The following C1QTNF3 variants were observed in gnomAD, a reference collection of about 807,000 sequenced individuals.
C1QTNF3 encodes the protein complement C1q tumor necrosis factor-related protein 3.
In C1QTNF3, 26 loss-of-function variants were observed where a neutral mutation model predicts 32.6. The observed-to-expected ratio is 0.80, with a 90% confidence interval of 0.58 to 1.11. C1QTNF3 has a LOEUF of 1.11. Among genes scored for constraint, C1QTNF3 ranks in the 50% least tolerant of loss-of-function variants. C1QTNF3 has a pLI of 0.00. For synonymous variants in C1QTNF3, 155 were observed against 146.0 expected (o/e 1.06, Z -0.44); for missense variants, 362 against 398.2 (o/e 0.91, Z 0.77).
chr5:34,177,301 G>A, the C1QTNF3 span, among the ~76,000 whole-genome samples: 1 of 152,050 alleles, frequency 6.6e-6, no homozygotes, highest in Admixed American at 6.6e-5. Flanking sequence ...CAGACATGGG[G>A]CATTTCCATC....
the C1QTNF3 span, among the ~76,000 whole-genome samples, chr5:34,088,825 C>A: frequency 6.6e-6 from 1 of 152,218 alleles, no homozygotes; most frequent in African/African-American, 2.4e-5. Context: ...ATAACTGAGT[C>A]TTTACCTTTT....
the C1QTNF3 span, among the ~76,000 whole-genome samples, chr5:34,071,894 G>A: frequency 2.0e-5 from 3 of 152,102 alleles, no homozygotes; most frequent in African/African-American, 7.2e-5. Flanking sequence ...AAATTACCGG[G>A]AAAGAAACGG....
At chr5:34,077,760 T>TC in the C1QTNF3 span, among the ~76,000 whole-genome samples, 1 of 151,452 alleles carries the variant, frequency 6.6e-6, no homozygotes, top group African/African-American at 2.5e-5. Context: ...CTAAAGACTG[T>TC]CCCCTGACAG....
chr5:34,104,984 A>G, the C1QTNF3 span, among the ~76,000 whole-genome samples: 1 of 147,616 alleles, frequency 6.8e-6, no homozygotes, highest in Non-Finnish European at 1.5e-5. Flanking sequence ...TATTTCAGCA[A>G]GAGTTTTTTT....
At chr5:34,215,292 T>C in the C1QTNF3 span, among the ~76,000 whole-genome samples, 1 of 152,138 alleles carries the variant, frequency 6.6e-6, no homozygotes, top group Non-Finnish European at 1.5e-5. Flanking sequence ...AGGGGAGCTC[T>C]ATTAAATACT....
At chr5:34,074,941 A>G in the C1QTNF3 span, among the ~76,000 whole-genome samples, 3 of 151,800 alleles carry the variant, frequency 2.0e-5, no homozygotes, top group Non-Finnish European at 2.9e-5. Context: ...GCTATTTGAA[A>G]GTGTATATTT....
At chr5:34,024,138 C>T (rs1375313451) in intron 4 of C1QTNF3, 130 bp from the exon 5 acceptor site, 1 of 686,988 alleles carries the variant, frequency 1.5e-6, no homozygotes, top group East Asian at 2.8e-5. Flanking sequence ...GGTGTCTCTC[C>T]TTGGCCTTAA....
chr5:34,072,420 A>AGAAAGAAG, the C1QTNF3 span, among the ~76,000 whole-genome samples: 2 of 113,104 alleles, frequency 1.8e-5, no homozygotes, highest in Non-Finnish European at 4.0e-5. Context: ...AAAGAAAGAA[A>AGAAAGAAG]GAACAGAAAT....
the C1QTNF3 span, among the ~76,000 whole-genome samples, chr5:34,196,133 GTTTTT>G: frequency 6.6e-6 from 1 of 151,818 alleles, no homozygotes; most frequent in African/African-American, 2.4e-5. Flanking sequence ...AGAAATATCT[GTTTTT>G]TTTGTTTGTT....
the C1QTNF3 span, chr5:34,124,404 A>C: frequency 1.4e-6 from 1 of 715,832 alleles, no homozygotes; most frequent in Non-Finnish European, 2.6e-6. Flanking sequence ...GCTGTGTAGG[A>C]AGCATAGTGA....
chr5:34,225,484 T>C, the C1QTNF3 span, among the ~76,000 whole-genome samples: 90 of 152,172 alleles, frequency 5.9e-4, no homozygotes, highest in African/African-American at 2.1e-3. Context: ...GTTTATAATA[T>C]GTATTTTAAT....
At chr5:34,203,370 A>G in the C1QTNF3 span, among the ~76,000 whole-genome samples, 1 of 152,244 alleles carries the variant, frequency 6.6e-6, no homozygotes. Flanking sequence ...AATGAATTAA[A>G]CATTCCACTT....
At chr5:34,045,253 C>T (rs1019611109), upstream of C1QTNF3, among the ~76,000 whole-genome samples, 11 of 152,190 alleles carry the variant, frequency 7.2e-5, no homozygotes, top group Non-Finnish European at 1.2e-4. Flanking sequence ...ACTTTCCATT[C>T]GTGTTTTCAA....
At chr5:34,207,944 T>G in the C1QTNF3 span, among the ~76,000 whole-genome samples, 1 of 152,026 alleles carries the variant, frequency 6.6e-6, no homozygotes, top group African/African-American at 2.4e-5. Flanking sequence ...CCCGCCACCG[T>G]GCCCGGCTAA....
At chr5:34,144,118 T>A in the C1QTNF3 span, among the ~76,000 whole-genome samples, 1 of 152,022 alleles carries the variant, frequency 6.6e-6, no homozygotes, top group Admixed American at 6.5e-5. Context: ...AGAGCAAGAA[T>A]CACTATTCTT....
the C1QTNF3 span, among the ~76,000 whole-genome samples, chr5:34,092,080 C>G: frequency 6.6e-6 from 1 of 151,306 alleles, no homozygotes; most frequent in African/African-American, 2.4e-5. Flanking sequence ...CCCATGGAAA[C>G]TGAATTTTTC....
chr5:34,232,128 G>A, the C1QTNF3 span, among the ~76,000 whole-genome samples: 4 of 147,726 alleles, frequency 2.7e-5, no homozygotes, highest in South Asian at 2.2e-4. Flanking sequence ...CTGCCTTGTC[G>A]GGTTTTGGAC....
the C1QTNF3 span, among the ~76,000 whole-genome samples, chr5:34,128,447 T>C: frequency 7.7e-4 from 117 of 152,296 alleles, no homozygotes; most frequent in Non-Finnish European, 1.4e-3. Flanking sequence ...GAACCCAGAA[T>C]GATAAATTCA....
intron 3 of C1QTNF3, 21 bp from the exon 4 acceptor site, chr5:34,028,904 C>T: frequency 6.3e-7 from 1 of 1,597,760 alleles, no homozygotes; most frequent in Non-Finnish European, 8.5e-7. Context: ...AATTATTGGT[C>T]AATAAATAGG....
Sources: gnomAD v4.1 joint callset for allele counts (sites outside exome capture counted in the v4.1 genomes callset) on GRCh38, gnomAD v4.1.1 for gene constraint, MANE v1.5 for transcripts, NCBI Gene and HGNC (gene_info 2026-07-23, HGNC 2026-07-21) for gene names.